DZANK1: variants seen among roughly 807,000 people sequenced by gnomAD.
DZANK1 encodes double zinc ribbon and ankyrin repeat-containing protein 1.
Under a neutral mutation model 94.5 loss-of-function variants are expected in DZANK1, and 91 were observed. The observed-to-expected ratio is 0.96, with a 90% confidence interval of 0.81 to 1.15. The LOEUF is 1.15. Among genes scored for constraint, DZANK1 ranks in the 50% most tolerant of loss-of-function variants. The probability of loss-of-function intolerance (pLI) is 0.00; values close to 1 mark genes in which losing one functional copy is unlikely to be tolerated. For synonymous variants in DZANK1, 312 were observed against 325.3 expected (o/e 0.96, Z 0.44); for missense variants, 903 against 916.4 (o/e 0.99, Z 0.19).
At chr20:18,462,559 C>G (rs1467114030) in intron 2 of DZANK1, among the ~76,000 whole-genome samples, 1 of 152,090 alleles carries the variant, frequency 6.6e-6, no homozygotes, top group East Asian at 1.9e-4. Flanking sequence ...CAGTGAGACA[C>G]CATCTCACAC....
chr20:18,389,112 G>A (rs1249480681), intron 19 of DZANK1, among the ~76,000 whole-genome samples: 1 of 152,192 alleles, frequency 6.6e-6, no homozygotes, highest in Non-Finnish European at 1.5e-5. Context: ...AACAACAGAA[G>A]CACACAGCTA....
chr20:18,407,865 C>A (rs1045931563), intron 13 of DZANK1, among the ~76,000 whole-genome samples: 23 of 151,968 alleles, frequency 1.5e-4, no homozygotes, highest in Non-Finnish European at 5.9e-5. Flanking sequence ...ACAGGCTATT[C>A]AAAAATACAC....
Position 18,454,594 on chromosome 20 carries a change from A to T in DZANK1, c.378+653T>A, listed in dbSNP as rs147663261. On this transcript the variant is annotated intron_variant, in intron 4 of 20. Coordinates refer to ENST00000262547, the Ensembl canonical transcript of DZANK1. Reference sequence around the variant, plus strand: ...CATCCTTCTCAGATGGATCTAATTGACTCTTCACAGTGGGGAGGCTTTGCA... The same window carrying T: ...CATCCTTCTCAGATGGATCTAATTGTCTCTTCACAGTGGGGAGGCTTTGCA... The T allele has an allele frequency of 4.1e-3, 635 of 155,488 alleles. 2 individuals are homozygous for T. The highest frequency in any genetic ancestry group is 0.017 in the Middle Eastern group (5 of 298). 9.6% of individuals were successfully genotyped at this position (155,488 alleles called of 1,614,324 possible).
At chr20:18,410,475 A>C (rs568647266) in intron 13 of DZANK1, among the ~76,000 whole-genome samples, 1 of 152,234 alleles carries the variant, frequency 6.6e-6, no homozygotes, top group Non-Finnish European at 1.5e-5. Context: ...AAAATATGCA[A>C]TGCAAAAGAA....
intron 13 of DZANK1, among the ~76,000 whole-genome samples, chr20:18,403,551 A>G (rs761328899): frequency 3.9e-5 from 6 of 152,190 alleles, no homozygotes; most frequent in Non-Finnish European, 7.3e-5. Flanking sequence ...GTGTGTTAAA[A>G]AGCAGTTAAA....
rs752399119 is a variant in DZANK1, at chr20:18,433,699, C to G, written c.814G>C (p.Ala272Pro). The stretch of plus-strand genomic sequence containing the variant: ...GGCTGCAGCTGTAGAGCAAGAGGGG[C>G]CTCACACACCACACAGATGGGAGTG... The change falls in exon 9 of 21, where the codon GCC (alanine) becomes CCC (proline). Residue 272 changes from alanine to proline, a missense_variant. Ala to Pro is a conservative substitution (Grantham distance 27). Coordinates refer to ENST00000262547, the Ensembl canonical transcript of DZANK1. 2.3e-5 allele frequency: 37 copies of G among 1,613,916 alleles called. No individual in the cohort carries two copies. Among genetic ancestry groups the G allele is most frequent in the Non-Finnish European group, 2.8e-5 (33 of 1,179,900 alleles).
At chr20:18,394,643 C>T in intron 15 of DZANK1, 1 of 593,114 alleles carries the variant, frequency 1.7e-6, no homozygotes, top group Non-Finnish European at 3.2e-6. Flanking sequence ...CAGGGGTCTG[C>T]CAGCCTCCCT....
chr20:18,456,468 C>G (rs7353148), intron 3 of DZANK1, among the ~76,000 whole-genome samples: 27,087 of 152,094 alleles, frequency 0.18, 2,768 homozygotes, highest in Non-Finnish European at 0.23. Context: ...TCTGGTTCAA[C>G]GGAATTCAGT....
intron 9 of DZANK1, among the ~76,000 whole-genome samples, chr20:18,430,149 T>A (rs1043101276): frequency 6.6e-6 from 1 of 152,140 alleles, no homozygotes. Flanking sequence ...AGTGACACAA[T>A]TAAAAAGGAA....
exon 12 of DZANK1, chr20:18,414,385 A>C (rs748545059): frequency 6.2e-7 from 1 of 1,614,012 alleles, no homozygotes; most frequent in South Asian, 1.1e-5. Context: ...AGCTAGAGCC[A>C]GGCTTCTGTC....
chr20:18,389,973 AC>A, intron 18 of DZANK1, 145 bp from the exon 19 acceptor site: 1 of 1,270,674 alleles, frequency 7.9e-7, no homozygotes, highest in South Asian at 1.5e-5. Flanking sequence ...AGAATCAGGA[AC>A]CTCAAGACCT....
intron 14 of DZANK1, among the ~76,000 whole-genome samples, chr20:18,397,699 C>G (rs1462559133): frequency 6.6e-6 from 1 of 152,158 alleles, no homozygotes; most frequent in Non-Finnish European, 1.5e-5. Context: ...CTGGAAGACT[C>G]AAATGGCTAG....
chr20:18,435,292 A>G (rs1040014111), intron 8 of DZANK1, among the ~76,000 whole-genome samples: 2 of 152,168 alleles, frequency 1.3e-5, no homozygotes, highest in African/African-American at 4.8e-5. Flanking sequence ...AATATAAGAG[A>G]AAGGAAAAGC....
At chr20:18,442,119 A>G (rs1437580433) in intron 8 of DZANK1, among the ~76,000 whole-genome samples, 2 of 152,244 alleles carry the variant, frequency 1.3e-5, no homozygotes, top group African/African-American at 2.4e-5. Context: ...GCTGTTATAC[A>G]TTATAGTCTA....
At chr20:18,399,125 CAAA>C (rs11387673) in intron 13 of DZANK1, among the ~76,000 whole-genome samples, 2 of 127,564 alleles carry the variant, frequency 1.6e-5, no homozygotes, top group Admixed American at 8.0e-5. Flanking sequence ...GACTACATCT[CAAA>C]AAAAAAAAAA....
chr20:18,418,188 T>G (rs997888263), intron 10 of DZANK1, among the ~76,000 whole-genome samples: 1 of 151,968 alleles, frequency 6.6e-6, no homozygotes, highest in African/African-American at 2.4e-5. Context: ...TTATACAAAG[T>G]CAGTTCCCAT....
chr20:18,406,720 G>A (rs146778341), intron 13 of DZANK1, among the ~76,000 whole-genome samples: 1 of 152,226 alleles, frequency 6.6e-6, no homozygotes, highest in Non-Finnish European at 1.5e-5. Context: ...TGAACACAGT[G>A]GGGGAGAGCA....
At chr20:18,446,467 A>G (rs553500951) in intron 7 of DZANK1, among the ~76,000 whole-genome samples, 1 of 152,364 alleles carries the variant, frequency 6.6e-6, no homozygotes, top group Admixed American at 6.5e-5. Context: ...AACACAACAT[A>G]TCAAAATTCA....
intron 13 of DZANK1, among the ~76,000 whole-genome samples, chr20:18,400,974 T>C (rs1483056999): frequency 2.6e-5 from 4 of 152,138 alleles, no homozygotes; most frequent in African/African-American, 9.7e-5. Context: ...CTTGCTCTTG[T>C]CACCCAGGCT....
Sources: gnomAD v4.1 joint callset for allele counts (sites outside exome capture counted in the v4.1 genomes callset) on GRCh38, gnomAD v4.1.1 for gene constraint, MANE v1.5 for transcripts, NCBI Gene and HGNC (gene_info 2026-07-23, HGNC 2026-07-21) for gene names.